UTP18: variants seen among roughly 807,000 people sequenced by gnomAD.
UTP18 encodes the protein UTP18 small subunit processome component.
Under a neutral mutation model 61.1 loss-of-function variants are expected in UTP18, and 36 were observed. The observed-to-expected ratio is 0.59, with a 90% confidence interval of 0.45 to 0.78. The LOEUF (loss-of-function observed/expected upper bound fraction) is 0.78. Ranked by LOEUF, UTP18 falls within the 30% of genes least tolerant of loss-of-function variation. The pLI is 0.00. For missense variants in UTP18, 753 were observed against 693.9 expected (o/e 1.09, Z -0.96); for synonymous variants, 282 against 251.1 (o/e 1.12, Z -1.16).
At chr17:51,289,771 A>G (rs1468364735) in intron 11 of UTP18, among the ~76,000 whole-genome samples, 1 of 152,218 alleles carries the variant, frequency 6.6e-6, no homozygotes, top group Non-Finnish European at 1.5e-5. Context: ...TATTGTGCTC[A>G]CTTGGCAAAA....
chr17:51,285,224 T>C, intron 9 of UTP18, 21 bp from the exon 10 acceptor site: 2 of 1,610,298 alleles, frequency 1.2e-6, no homozygotes, highest in Non-Finnish European at 1.7e-6. Flanking sequence ...TAACAACTCT[T>C]TTTTTCGCTC....
chr17:51,265,482 C>G (rs1456163054), intron 2 of UTP18, among the ~76,000 whole-genome samples: 3 of 149,132 alleles, frequency 2.0e-5, no homozygotes, highest in African/African-American at 7.4e-5. Context: ...AGGCTGGTCT[C>G]GAGCTCCCGA....
Position 51,277,271 on chromosome 17 carries a change from G to T in UTP18, c.979G>T (p.Ala327Ser). 1 of 1,614,038 alleles carries T rather than the reference G, an allele frequency of 6.2e-7. No individual in the cohort carries two copies. The highest frequency in any genetic ancestry group is 8.5e-7 in the Non-Finnish European group (1 of 1,179,988). The change falls in exon 7 of 14, where the codon GCT becomes TCT. Residue 327 changes from alanine (A) to serine (S), a missense_variant. Transcript: ENST00000225298. ...GGTTCTTTATGTCTATGACATGCTG[G>T]CTGGAAAGTTAATTCCTGTGCATCA... The part of the protein sequence containing the change: ...SKVLYVYDML[A>S]GKLIPVHQVR...
rs111336279 is a variant in UTP18 at position 51,283,057 on chromosome 17, C to T, written c.1205-2188C>T. Among the ~76,000 whole-genome samples the T allele has an allele frequency of 8.8e-3, 1,339 of 151,356 alleles. 10 individuals are homozygous for T. Among genetic ancestry groups the T allele is most frequent in the Non-Finnish European group, 0.012 (785 of 67,838 alleles). On this transcript the variant is annotated intron_variant, in intron 9 of 13. Transcript: ENST00000225298. ...CTAATTTTTTGTATTTTAGTAGAGA[C>T]GGGGTTTTCTTGTGTTGCCCAGGCT... is the stretch of plus-strand genomic sequence containing the variant.
chr17:51,284,858 C>T (rs576459006), intron 9 of UTP18, among the ~76,000 whole-genome samples: 2 of 152,022 alleles, frequency 1.3e-5, no homozygotes, highest in South Asian at 2.1e-4. Context: ...GTCAAGAGTT[C>T]GAGACCAGCC....
At position 51,260,893 on chromosome 17, in the gene UTP18, G is replaced by A; in HGVS notation, c.309G>A (p.Glu103=). Residue 103 remains glutamate, a synonymous_variant, in exon 1 of 14, where the codon GAG becomes GAA. Coordinates refer to ENST00000225298, the MANE Select transcript of UTP18 (RefSeq NM_016001.3). ...TCTTCGGCGACGTCGAGAACGACGA[G>A]GACGCGTTGCTGCGGCGTCTGCGAG... The part of the protein sequence containing the change: ...ELVFGDVEND[E]DALLRRLRGP... 6.3e-7 allele frequency: 1 copy of A among 1,598,086 alleles called. No individual in the cohort carries two copies. The highest frequency in any genetic ancestry group is 8.5e-7 in the Non-Finnish European group (1 of 1,173,572).
intron 10 of UTP18, 130 bp from the exon 11 acceptor site, chr17:51,287,896 AGTG>A: frequency 3.4e-6 from 2 of 581,248 alleles, no homozygotes; most frequent in Non-Finnish European, 5.4e-6. Context: ...CTGTGGCTAT[AGTG>A]GTGATAGCTG....
intron 12 of UTP18, among the ~76,000 whole-genome samples, chr17:51,294,393 C>T (rs2144448808): frequency 6.9e-6 from 1 of 145,094 alleles, no homozygotes; most frequent in South Asian, 2.3e-4. Flanking sequence ...TGTTCTCCTT[C>T]CTGTGTCCAT....
intron 4 of UTP18, among the ~76,000 whole-genome samples, chr17:51,272,232 G>A (rs773006121): frequency 2.6e-5 from 4 of 152,044 alleles, no homozygotes; most frequent in African/African-American, 7.2e-5. Context: ...CCAAGTAGCT[G>A]GGATTACAGA....
chr17:51,294,037 G>A lies in UTP18; in HGVS notation c.1638G>A (p.Leu546=). ...FALGNEKGKA[L]MYRLHHYSDF is the part of the protein sequence containing the mutation. ...TGGGGAATGAAAAGGGCAAGGCCCT[G>A]ATGTATAGGTAGGTATTATTTATGT... Residue 546 remains leucine, a synonymous_variant, in exon 12 of 14, where the codon CTG becomes CTA. Coordinates refer to ENST00000225298, the MANE Select transcript of UTP18 (RefSeq NM_016001.3). The A allele has an allele frequency of 6.2e-7, 1 of 1,600,166 alleles. No homozygotes were observed. Among genetic ancestry groups the A allele is most frequent in the Non-Finnish European group, 8.5e-7 (1 of 1,174,892 alleles).
intron 11 of UTP18, among the ~76,000 whole-genome samples, chr17:51,291,833 C>T (rs113471450): frequency 7.2e-4 from 110 of 152,104 alleles, no homozygotes; most frequent in Non-Finnish European, 6.9e-4. Context: ...AACCAGCTCC[C>T]CAAACTTCAA....
intron 4 of UTP18, among the ~76,000 whole-genome samples, chr17:51,269,395 C>T (rs759599133): frequency 2.1e-5 from 3 of 145,460 alleles, no homozygotes; most frequent in Non-Finnish European, 3.0e-5. Context: ...TCTGCTTCTT[C>T]GATCTTTTGA....
chr17:51,261,057 C>T, intron 1 of UTP18, 131 bp downstream of exon 1: 1 of 834,310 alleles, frequency 1.2e-6, no homozygotes, highest in South Asian at 4.4e-5. Flanking sequence ...AGCCCGAGAA[C>T]GCGGGCGCGG....
At chr17:51,263,883 A>T (rs1232272379) in intron 2 of UTP18, among the ~76,000 whole-genome samples, 1 of 152,150 alleles carries the variant, frequency 6.6e-6, no homozygotes, top group Non-Finnish European at 1.5e-5. Flanking sequence ...TTGATTTAAC[A>T]TTTTGACTTT....
intron 11 of UTP18, among the ~76,000 whole-genome samples, chr17:51,291,644 A>G (rs1416760787): frequency 6.6e-6 from 1 of 152,070 alleles, no homozygotes; most frequent in East Asian, 1.9e-4. Context: ...CTGAGACAGA[A>G]GAATTGCTTG....
intron 5 of UTP18, among the ~76,000 whole-genome samples, chr17:51,275,044 A>C (rs994320075): frequency 7.9e-5 from 12 of 151,820 alleles, no homozygotes; most frequent in African/African-American, 2.4e-4. Context: ...CTGAAAATAC[A>C]AAATTAGCTG....
rs754340223 is a variant in UTP18 at position 51,260,822 on chromosome 17, C to G, written c.238C>G (p.Leu80Val). The change falls in exon 1 of 14, where the codon CTG becomes GTG. Residue 80 changes from leucine (L) to valine (V), a missense_variant. Leu to Val is a conservative substitution (Grantham distance 32). Coordinates refer to ENST00000225298, the MANE Select transcript of UTP18 (RefSeq NM_016001.3). ...GCTCCGGCAGCGGAACCGCCTGAGG[C>G]TGGAGGAGGACAAACCGGCCGTGGA... Reference protein sequence around the residue: ...RRLRQRNRLRLEEDKPAVERC... With the variant: ...RRLRQRNRLRVEEDKPAVERC... 8 of 1,594,644 alleles carry G rather than the reference C, an allele frequency of 5.0e-6. No homozygotes were observed. Among genetic ancestry groups the G allele is most frequent in the South Asian group, 1.1e-5 (1 of 88,518 alleles).
rs139058766 is a variant in UTP18 at position 51,283,797 on chromosome 17, T to C, written c.1205-1448T>C. Among the ~76,000 whole-genome samples, 463 of 152,164 alleles carry C rather than the reference T, an allele frequency of 3.0e-3. 2 individuals carry two copies. Among genetic ancestry groups the C allele is most frequent in the African/African-American group, 0.011 (437 of 41,534 alleles). On this transcript the variant is annotated intron_variant, in intron 9 of 13. Coordinates refer to ENST00000225298, the MANE Select transcript of UTP18 (RefSeq NM_016001.3). ...GCCCAGCTAATTTTTGTATTTTTAG[T>C]AGAGATGGTGATTCACCATTTTGGC...
intron 10 of UTP18, among the ~76,000 whole-genome samples, chr17:51,287,690 G>A (rs886155630): frequency 6.6e-6 from 1 of 152,184 alleles, no homozygotes; most frequent in Non-Finnish European, 1.5e-5. Flanking sequence ...GTCTGTGGGA[G>A]TAAATGAGAT....
Sources: gnomAD v4.1 joint callset for allele counts (sites outside exome capture counted in the v4.1 genomes callset) on GRCh38, gnomAD v4.1.1 for gene constraint, MANE v1.5 for transcripts, NCBI Gene and HGNC (gene_info 2026-07-23, HGNC 2026-07-21) for gene names.